Variants in TLN2 observed in about 807,000 individuals in gnomAD.
TLN2 encodes the protein talin-2.
Under a neutral mutation model 294.7 loss-of-function variants are expected in TLN2, and 118 were observed. The ratio of observed to expected loss-of-function variants is 0.40; its 90% CI spans 0.34 to 0.47. The LOEUF (loss-of-function observed/expected upper bound fraction) is 0.47, where lower values mean the gene tolerates loss of function less well. Ranked by LOEUF, TLN2 falls within the 20% of genes least tolerant of loss-of-function variation. TLN2 has a pLI of 0.84. For synonymous variants in TLN2, 1,431 were observed against 1,304.5 expected (o/e 1.10, Z -2.09); for missense variants, 3,083 against 3,282.2 (o/e 0.94, Z 1.48).
At chr15:62,810,452 G>C (rs927955621) in intron 52 of TLN2, among the ~76,000 whole-genome samples, 2 of 152,296 alleles carry the variant, frequency 1.3e-5, no homozygotes, top group East Asian at 3.9e-4. Context: ...AAGTGAGGGA[G>C]GCTGCCAGTG....
At chr15:62,648,985 A>G (rs1045692563) in intron 4 of TLN2, among the ~76,000 whole-genome samples, 3 of 152,014 alleles carry the variant, frequency 2.0e-5, no homozygotes, top group Non-Finnish European at 2.9e-5. Context: ...AGATGGGACT[A>G]CAGGTGCACA....
rs535908992 is a variant in TLN2, at chr15:62,701,347, C to G, written c.1696+133C>G. 2.7e-5 allele frequency: 20 copies of G among 742,246 alleles called. No homozygotes were observed. In the African/African-American group the frequency reaches 3.0e-4, roughly 11 times the overall value. The allele number at this position is 742,246 out of a possible 1,614,324, so 46.0% of individuals were successfully genotyped here. On this transcript the variant is annotated intron_variant, in intron 17 of 58. Coordinates refer to ENST00000636159, the MANE Select transcript of TLN2 (RefSeq NM_015059.3). Reference sequence around the variant, plus strand: ...TATTATGAGAGGATAGTCTAAGGCACTTTTAGTGCTGTAGGCATTTTCTCC... The same window carrying G: ...TATTATGAGAGGATAGTCTAAGGCAGTTTTAGTGCTGTAGGCATTTTCTCC...
At chr15:62,773,880 A>C (rs1428725673) in intron 42 of TLN2, among the ~76,000 whole-genome samples, 1 of 152,136 alleles carries the variant, frequency 6.6e-6, no homozygotes, top group African/African-American at 2.4e-5. Flanking sequence ...TATGTTTTTT[A>C]AAAAAGCGGC....
rs1402004565 is a variant in TLN2, at chr15:62,510,046, T to C, written c.-237-79641T>C. Among the ~76,000 whole-genome samples the C allele has an allele frequency of 2.0e-5, 3 of 152,234 alleles. No individual in the cohort carries two copies. The South Asian group carries it at 6.2e-4, about 31-fold the overall frequency. On this transcript the variant is annotated intron_variant, in intron 1 of 58. Transcript: ENST00000636159. ...CGAATAGGGAAAGTTTTTAAGACAA[T>C]TGGGATCTTCCCAGTAGTCTGTATT...
chr15:62,445,289 T>A (rs917230252), intron 1 of TLN2, among the ~76,000 whole-genome samples: 2 of 152,210 alleles, frequency 1.3e-5, no homozygotes, highest in Non-Finnish European at 2.9e-5. Context: ...TTGGAGGTCT[T>A]GAATCTGTAT....
chr15:62,815,235 A>G (rs536431735), intron 52 of TLN2, among the ~76,000 whole-genome samples: 119 of 137,534 alleles, frequency 8.7e-4, no homozygotes, highest in East Asian at 2.4e-3. Flanking sequence ...ACACACACTC[A>G]CTCGCTCTGC....
intron 54 of TLN2, chr15:62,830,203 A>C (rs550113724): frequency 6.6e-6 from 1 of 152,206 alleles, no homozygotes; most frequent in Non-Finnish European, 1.5e-5. Flanking sequence ...ATAAACCAGA[A>C]GGAGAGATCT....
intron 1 of TLN2, among the ~76,000 whole-genome samples, chr15:62,524,398 A>G (rs2040623411): frequency 6.6e-6 from 1 of 152,174 alleles, no homozygotes; most frequent in Non-Finnish European, 1.5e-5. Flanking sequence ...TTGTGTGTGT[A>G]GGAAGCAATT....
At chr15:62,397,769 TGGTCCTTGGTG>T (rs2032676398) in intron 1 of TLN2, among the ~76,000 whole-genome samples, 1 of 152,168 alleles carries the variant, frequency 6.6e-6, no homozygotes, top group Non-Finnish European at 1.5e-5. Context: ...CAGATTCCTT[TGGTCCTTGGTG>T]GGGTTTGATT....
chr15:62,818,180 A>C (rs1596110339), intron 52 of TLN2, among the ~76,000 whole-genome samples: 1 of 152,284 alleles, frequency 6.6e-6, no homozygotes, highest in East Asian at 1.9e-4. Flanking sequence ...AAACAGGTTT[A>C]AAACCGGTAA....
chr15:62,652,580 A>G (rs2052713655), intron 6 of TLN2, among the ~76,000 whole-genome samples: 1 of 152,182 alleles, frequency 6.6e-6, no homozygotes, highest in Admixed American at 6.5e-5. Flanking sequence ...ATTTGAAGAA[A>G]ATAGACTTAC....
rs1271393390 is a variant in TLN2, at chr15:62,725,011, A to G, written c.3162A>G (p.Ser1054=). Residue 1054 remains serine, a synonymous_variant, in exon 27 of 59, where the codon TCA becomes TCG. Transcript: ENST00000636159. ...HEACGPMEID[S]ALNTVQTLKN... is the part of the protein sequence containing the mutation. ...CTTGTGGTCCGATGGAAATCGATTC[A>G]GCTCTGAATACGGTGCAGACGCTTA... The G allele has an allele frequency of 1.2e-6, 2 of 1,613,328 alleles. No homozygotes were observed. The highest frequency in any genetic ancestry group is 1.7e-5 in the Admixed American group (1 of 59,994).
intron 27 of TLN2, among the ~76,000 whole-genome samples, 177 bp downstream of exon 27, chr15:62,725,281 G>A (rs781221948): frequency 2.0e-5 from 3 of 152,160 alleles, no homozygotes; most frequent in Non-Finnish European, 2.9e-5. Context: ...AGTTATGAGC[G>A]CTGGATTCTA....
intron 20 of TLN2, 120 bp from the exon 21 acceptor site, chr15:62,708,382 G>A: frequency 3.1e-6 from 3 of 981,768 alleles, no homozygotes; most frequent in South Asian, 1.5e-5. Flanking sequence ...CCGAGCAGTG[G>A]TCCTGTAAGT....
rs201608725 is a variant in TLN2 at position 62,720,618 on chromosome 15, CAT to C, written c.2991+741_2991+742del. On this transcript the variant is annotated intron_variant, in intron 25 of 58. Coordinates refer to ENST00000636159, the MANE Select transcript of TLN2 (RefSeq NM_015059.3). ...ACATGAAAGGTTTGATATATCTCCT[CAT>C]ATTTTAACTACATACATATACAACA... is the stretch of plus-strand genomic sequence containing the variant. Among the ~76,000 whole-genome samples the C allele has an allele frequency of 3.0e-3, 450 of 150,944 alleles. 3 individuals are homozygous for C. Among genetic ancestry groups the C allele is most frequent in the East Asian group, 0.026 (134 of 5,102 alleles).
intron 1 of TLN2, among the ~76,000 whole-genome samples, chr15:62,554,947 G>C (rs931779855): frequency 1.3e-5 from 2 of 151,430 alleles, no homozygotes. Flanking sequence ...TTGCTTTGCT[G>C]TGAAAAATTC....
At position 62,828,638 on chromosome 15, in the gene TLN2, G is replaced by A. The variant is rs534943541; in HGVS notation, c.7003-4866G>A. On this transcript the variant is annotated intron_variant, in intron 54 of 58. Transcript: ENST00000636159. ...ACAACTCAAGGCCTCAAACAGGGCA[G>A]GAACTTGCTCATAGCTGTGTATGCA... The A allele has an allele frequency of 6.2e-4, 95 of 152,348 alleles. 1 individual carries two copies. Among genetic ancestry groups the A allele is most frequent in the African/African-American group, 2.1e-3 (89 of 41,576 alleles). 9.4% of individuals were successfully genotyped at this position (152,348 alleles called of 1,614,324 possible). A position where few individuals can be genotyped will look rare whatever the true frequency, so the allele number is the denominator to read the frequency against.
chr15:62,825,748 T>G (rs1164578479), intron 54 of TLN2, among the ~76,000 whole-genome samples: 1 of 105,570 alleles, frequency 9.5e-6, no homozygotes, highest in South Asian at 2.8e-4. Context: ...TTATATATAT[T>G]AAATATAATT....
chr15:62,517,577 A>G (rs1288478563), intron 1 of TLN2, among the ~76,000 whole-genome samples: 1 of 152,128 alleles, frequency 6.6e-6, no homozygotes, highest in Non-Finnish European at 1.5e-5. Context: ...CAATATTTTA[A>G]TTTTGTACCC....
Sources: allele counts gnomAD v4.1 joint callset (sites outside exome capture counted in the v4.1 genomes callset), GRCh38; gene constraint gnomAD v4.1.1; transcripts MANE v1.5; gene names NCBI Gene and HGNC (gene_info 2026-07-23, HGNC 2026-07-21).